Variants in RPH3AL observed in about 807,000 individuals in gnomAD.
RPH3AL encodes rabphilin 3A like (without C2 domains), also known as rab effector Noc2.
RPH3AL carries 38 observed loss-of-function variants against 43.1 expected under a neutral mutation model. The ratio of observed to expected loss-of-function variants is 0.88; its 90% CI spans 0.68 to 1.15. RPH3AL has a LOEUF of 1.15. Ranked by LOEUF, RPH3AL falls within the 50% of genes most tolerant of loss-of-function variation. The probability of loss-of-function intolerance (pLI) is 0.00; values close to 1 mark genes in which losing one functional copy is unlikely to be tolerated. For synonymous variants in RPH3AL, 189 were observed against 176.3 expected (o/e 1.07, Z -0.57); for missense variants, 462 against 423.2 (o/e 1.09, Z -0.81).
rs757886419 is a variant in RPH3AL, at chr17:215,674, C to T, written c.856G>A (p.Gly286Arg). The change falls in exon 9 of 10, where the codon GGG (glycine) becomes AGG (arginine). Residue 286 changes from glycine to arginine, a missense_variant. By Grantham distance (125) the Gly-to-Arg change is moderately radical. Transcript: ENST00000331302. The surrounding 1 kb of genome is among the most constrained non-coding windows in gnomAD (Gnocchi z 4.1). ...CTCACCGGGGCCCTTCGGGTCAGCC[C>T]GGGGCGGGGTCCCCCTGGCGGGTCA... ...SADPPGGPRP[G>R]LTRRAPVKDT... 1.9e-5 allele frequency: 24 copies of T among 1,277,186 alleles called. No homozygotes were observed. The highest frequency in any genetic ancestry group is 1.6e-4 in the East Asian group (5 of 31,814). 79.1% of individuals were successfully genotyped at this position (1,277,186 alleles called of 1,614,324 possible). A position where few individuals can be genotyped will look rare whatever the true frequency, so the allele number is the denominator to read the frequency against.
rs1038113977 is a variant in RPH3AL, at chr17:333,640, G to A, written c.-37+119C>T. 2.2e-5 allele frequency: 5 copies of A among 230,006 alleles called. No homozygotes were observed. The highest frequency in any genetic ancestry group is 4.5e-5 in the Non-Finnish European group (5 of 111,852). 14.2% of individuals were successfully genotyped at this position (230,006 alleles called of 1,614,324 possible). ...GAGCACATGGATTGTTTCCAATTTT[G>A]CTCGATTATATGCAGCACTGAAATG... On this transcript the variant is annotated intron_variant, in intron 2 of 9. Coordinates refer to ENST00000331302, the MANE Select transcript of RPH3AL (RefSeq NM_006987.4). This position sits in a 1 kb window ranked among gnomAD's most constrained non-coding sequence, Gnocchi z 4.5.
In RPH3AL at chr17:289,308, C is replaced by G. The variant is rs1366675650; in HGVS notation, c.352-7454G>C. On this transcript the variant is annotated intron_variant, in intron 5 of 9. Transcript: ENST00000331302. This position sits in a 1 kb window ranked among gnomAD's most constrained non-coding sequence, Gnocchi z 5.2. ...TGTCTCAGTGAAGGCAGCCAGCATC[C>G]ATCAGTCACACAAGCCACAACCCAG... Among the ~76,000 whole-genome samples, 1 of 152,112 alleles carries G rather than the reference C, an allele frequency of 6.6e-6. No individual in the cohort carries two copies. The highest frequency in any genetic ancestry group is 1.5e-5 in the Non-Finnish European group (1 of 68,008).
chr17:262,579 C>T (rs2042226825), intron 6 of RPH3AL, among the ~76,000 whole-genome samples: 1 of 152,236 alleles, frequency 6.6e-6, no homozygotes, highest in East Asian at 1.9e-4. Context: ...AATCCCAACC[C>T]TTTGGGAGGC....
chr17:278,752 G>T (rs2042715300), intron 6 of RPH3AL, among the ~76,000 whole-genome samples: 1 of 152,072 alleles, frequency 6.6e-6, no homozygotes, highest in Non-Finnish European at 1.5e-5. Context: ...GAGCTATTTT[G>T]CCTGGCACAT....
At chr17:269,746 G>A (rs369970916) in intron 6 of RPH3AL, among the ~76,000 whole-genome samples, 13 of 152,166 alleles carry the variant, frequency 8.5e-5, no homozygotes, top group African/African-American at 1.4e-4. Context: ...GGAGTCCTTC[G>A]GTGTGCCTGT....
At chr17:350,960 G>A (rs2045342074) in intron 1 of RPH3AL, among the ~76,000 whole-genome samples, 1 of 152,152 alleles carries the variant, frequency 6.6e-6, no homozygotes, top group African/African-American at 2.4e-5. Context: ...GATAGGCCAG[G>A]AGACTCCAGG....
chr17:223,766 C>A (rs2151505529), intron 7 of RPH3AL, among the ~76,000 whole-genome samples: 1 of 152,336 alleles, frequency 6.6e-6, no homozygotes, highest in East Asian at 1.9e-4. Context: ...GCTCCAGCCT[C>A]TGTCACCTTT....
chr17:242,881 AC>A (rs1597914223), intron 7 of RPH3AL, among the ~76,000 whole-genome samples: 144 of 116,118 alleles, frequency 1.2e-3, no homozygotes, highest in South Asian at 2.2e-3. Context: ...TCCTCTATTG[AC>A]TACCTTCCTC....
At chr17:348,193 G>A (rs2045280869) in intron 1 of RPH3AL, among the ~76,000 whole-genome samples, 1 of 151,840 alleles carries the variant, frequency 6.6e-6, no homozygotes, top group Non-Finnish European at 1.5e-5. Context: ...TTCTGGAAAA[G>A]GCCAAACTAT....
At chr17:305,925 G>C (rs1314808705) in intron 5 of RPH3AL, among the ~76,000 whole-genome samples, 2 of 146,720 alleles carry the variant, frequency 1.4e-5, no homozygotes, top group Non-Finnish European at 3.0e-5. Context: ...ACTCACTGCA[G>C]CCTCCGCCTC....
At chr17:319,281 G>A in intron 5 of RPH3AL, 139 bp downstream of exon 5, 3 of 1,066,258 alleles carry the variant, frequency 2.8e-6, no homozygotes, top group Non-Finnish European at 4.0e-6. Context: ...AAGTCTTAGT[G>A]CTTCTTGCCA....
intron 7 of RPH3AL, among the ~76,000 whole-genome samples, chr17:239,619 G>C (rs2041480831): frequency 6.6e-6 from 1 of 151,928 alleles, no homozygotes; most frequent in African/African-American, 2.4e-5. Context: ...TCCCGATTCT[G>C]TTTTGTTTTG....
At chr17:275,590 C>G (rs1418869182) in intron 6 of RPH3AL, among the ~76,000 whole-genome samples, 1 of 152,184 alleles carries the variant, frequency 6.6e-6, no homozygotes, top group African/African-American at 2.4e-5. Context: ...CATAAGCTCC[C>G]AGGCTGGAGT....
rs74877640 is a variant in RPH3AL at position 290,617 on chromosome 17, C to A, written c.352-8763G>T. ...CAGATGGCACCCAAGAGTCACAATGCGACAGAAGGTTCTGCTGGGCCACTC... is the reference window on the plus strand; with the variant it reads ...CAGATGGCACCCAAGAGTCACAATGAGACAGAAGGTTCTGCTGGGCCACTC... On this transcript the variant is annotated intron_variant, in intron 5 of 9. Transcript: ENST00000331302. The surrounding 1 kb of genome is among the most constrained non-coding windows in gnomAD (Gnocchi z 4.2). 1.3e-5 allele frequency among the ~76,000 whole-genome samples: 2 copies of A among 152,018 alleles called. No individual in the cohort carries two copies. Among genetic ancestry groups the A allele is most frequent in the African/African-American group, 2.4e-5 (1 of 41,378 alleles).
At chr17:319,121 G>A (rs2044385750) in intron 5 of RPH3AL, among the ~76,000 whole-genome samples, 1 of 152,208 alleles carries the variant, frequency 6.6e-6, no homozygotes, top group African/African-American at 2.4e-5. Flanking sequence ...CAAGTTTTCT[G>A]AGGTCATAGC....
At chr17:307,247 C>T (rs78960137) in intron 5 of RPH3AL, among the ~76,000 whole-genome samples, 5 of 6,792 alleles carry the variant, frequency 7.4e-4, no homozygotes, top group East Asian at 4.8e-3. Context: ...GGCAGGTCCT[C>T]CCCACGGCAG....
chr17:327,807 C>T lies in RPH3AL; in HGVS notation c.-36-228G>A, dbSNP rs987549166. ...AGGGTGACCAGGTGGATCATGTGGC[C>T]GAGTGACAAGAGTGAACATGACTGG... On this transcript the variant is annotated intron_variant, in intron 2 of 9. Transcript: ENST00000331302. Among the ~76,000 whole-genome samples the T allele has an allele frequency of 2.6e-5, 4 of 152,094 alleles. No individual in the cohort carries two copies. The East Asian group carries it at 5.8e-4, about 22-fold the overall frequency.
At chr17:244,084 T>C (rs1003117050) in intron 7 of RPH3AL, among the ~76,000 whole-genome samples, 2 of 151,122 alleles carry the variant, frequency 1.3e-5, no homozygotes, top group African/African-American at 4.9e-5. Context: ...CCTTCCTCTA[T>C]TGATCACCTT....
intron 5 of RPH3AL, among the ~76,000 whole-genome samples, chr17:292,573 T>C (rs551142217): frequency 6.6e-6 from 1 of 152,288 alleles, no homozygotes; most frequent in East Asian, 1.9e-4. Flanking sequence ...ATGCGAACCC[T>C]GTTCAGTCTG....
Sources: allele counts gnomAD v4.1 joint callset (sites outside exome capture counted in the v4.1 genomes callset), GRCh38; gene constraint gnomAD v4.1.1; non-coding constraint Gnocchi (gnomAD v3.1); transcripts MANE v1.5; gene names NCBI Gene and HGNC (gene_info 2026-07-23, HGNC 2026-07-21).